Variants in ABTB3 observed in about 807,000 individuals in gnomAD.
ABTB3 encodes the protein ankyrin repeat- and BTB/POZ domain-containing protein 3.
At chr12:107,399,939 T>C in the ABTB3 span, among the ~76,000 whole-genome samples, 1 of 152,202 alleles carries the variant, frequency 6.6e-6, no homozygotes, top group Non-Finnish European at 1.5e-5. Context: ...CATGTGGTGA[T>C]TGGTTTTCTG....
At chr12:107,577,200 A>G in the ABTB3 span, among the ~76,000 whole-genome samples, 7 of 152,304 alleles carry the variant, frequency 4.6e-5, no homozygotes, top group East Asian at 1.2e-3. Context: ...CACAAAGCCT[A>G]ACATACTTAC....
the ABTB3 span, among the ~76,000 whole-genome samples, chr12:107,418,285 A>G: frequency 6.6e-6 from 1 of 152,190 alleles, no homozygotes; most frequent in Non-Finnish European, 1.5e-5. Flanking sequence ...CTTGAATATC[A>G]GACTCCAAGT....
chr12:107,629,477 T>A, the ABTB3 span, among the ~76,000 whole-genome samples: 66 of 152,280 alleles, frequency 4.3e-4, 3 homozygotes, highest in Admixed American at 3.9e-3. Context: ...GACCACACAG[T>A]TCTGAGTCCA....
the ABTB3 span, among the ~76,000 whole-genome samples, chr12:107,488,799 T>G: frequency 3.6e-3 from 542 of 152,092 alleles, 5 homozygotes; most frequent in African/African-American, 0.012. Context: ...AAGAGAGGAA[T>G]TGGGCAGGAT....
the ABTB3 span, among the ~76,000 whole-genome samples, chr12:107,424,840 A>G: frequency 6.6e-6 from 1 of 152,102 alleles, no homozygotes; most frequent in African/African-American, 2.4e-5. Context: ...GAACTCCTGC[A>G]TATCTGCCAC....
the ABTB3 span, among the ~76,000 whole-genome samples, chr12:107,502,243 T>A: frequency 2.0e-5 from 3 of 151,650 alleles, no homozygotes; most frequent in Non-Finnish European, 2.9e-5. Flanking sequence ...TTTTGTATAT[T>A]TTTTTTAGTA....
At chr12:107,342,691 C>G in the ABTB3 span, among the ~76,000 whole-genome samples, 1 of 152,154 alleles carries the variant, frequency 6.6e-6, no homozygotes, top group Admixed American at 6.5e-5. Flanking sequence ...GGCAGAGCAT[C>G]CATTCTCTCC....
At chr12:107,426,629 T>G in the ABTB3 span, among the ~76,000 whole-genome samples, 1 of 152,188 alleles carries the variant, frequency 6.6e-6, no homozygotes, top group East Asian at 1.9e-4. Flanking sequence ...CTCATTGGCA[T>G]GCACTGGCCT....
At chr12:107,447,116 A>G in the ABTB3 span, among the ~76,000 whole-genome samples, 41,376 of 152,012 alleles carry the variant, frequency 0.27, 6,840 homozygotes, top group African/African-American at 0.46. Flanking sequence ...TGACAAAATA[A>G]AACAGGCGGA....
the ABTB3 span, among the ~76,000 whole-genome samples, chr12:107,470,822 G>A: frequency 2.0e-5 from 3 of 152,178 alleles, no homozygotes; most frequent in East Asian, 1.9e-4. Context: ...CACCCAGAAC[G>A]GAGAAGGTGC....
the ABTB3 span, among the ~76,000 whole-genome samples, chr12:107,378,713 C>T: frequency 6.6e-6 from 1 of 152,174 alleles, no homozygotes; most frequent in Non-Finnish European, 1.5e-5. Flanking sequence ...CACAACGCAT[C>T]CTGACTGTTC....
At chr12:107,517,827 A>G in the ABTB3 span, among the ~76,000 whole-genome samples, 4 of 152,248 alleles carry the variant, frequency 2.6e-5, no homozygotes, top group African/African-American at 9.6e-5. Context: ...GTGAACAGGC[A>G]AACTACAGAA....
At chr12:107,319,020 A>G in the ABTB3 span, 2 of 1,613,356 alleles carry the variant, frequency 1.2e-6, no homozygotes, top group Admixed American at 1.7e-5. Context: ...GGCGCGGCGG[A>G]CTCGGTGCGC....
At chr12:107,423,358 T>C in the ABTB3 span, among the ~76,000 whole-genome samples, 4,295 of 152,290 alleles carry the variant, frequency 0.028, 154 homozygotes, top group African/African-American at 0.089. Flanking sequence ...ACACATTATC[T>C]AGCTGCAGAA....
chr12:107,565,501 G>A, the ABTB3 span, among the ~76,000 whole-genome samples: 2 of 152,070 alleles, frequency 1.3e-5, no homozygotes, highest in African/African-American at 4.8e-5. Flanking sequence ...AAAGGGTTAG[G>A]AGACATCTGT....
chr12:107,436,694 G>A, the ABTB3 span, among the ~76,000 whole-genome samples: 3 of 152,202 alleles, frequency 2.0e-5, no homozygotes, highest in Non-Finnish European at 2.9e-5. Flanking sequence ...GGGTGAGCGA[G>A]TTTCTCTGTG....
chr12:107,412,179 A>T, the ABTB3 span, among the ~76,000 whole-genome samples: 1 of 152,174 alleles, frequency 6.6e-6, no homozygotes, highest in Non-Finnish European at 1.5e-5. Flanking sequence ...TGAGTACCGG[A>T]GACTGTGCTA....
At chr12:107,337,425 C>T in the ABTB3 span, among the ~76,000 whole-genome samples, 1 of 152,208 alleles carries the variant, frequency 6.6e-6, no homozygotes, top group Admixed American at 6.5e-5. Flanking sequence ...AGGCTTTGTT[C>T]TCTTTCTTTA....
chr12:107,454,567 C>A, the ABTB3 span, among the ~76,000 whole-genome samples: 47 of 152,172 alleles, frequency 3.1e-4, no homozygotes, highest in Non-Finnish European at 6.2e-4. Context: ...TCTTGGGGAG[C>A]AATTCAGCTG....
Sources: gnomAD v4.1 joint callset for allele counts (sites outside exome capture counted in the v4.1 genomes callset) on GRCh38, gnomAD v4.1.1 for gene constraint, MANE v1.5 for transcripts, NCBI Gene and HGNC (gene_info 2026-07-23, HGNC 2026-07-21) for gene names.